Variants in GALNT13 observed in about 807,000 individuals in gnomAD.
The protein encoded by GALNT13 is polypeptide N-acetylgalactosaminyltransferase 13, also known as UDP-GalNAc:polypeptide N-acetylgalactosaminyltransferase 13.
In GALNT13, 28 loss-of-function variants were observed where a neutral mutation model predicts 64.2. The observed-to-expected ratio is 0.44, with a 90% CI of 0.32 to 0.60. The LOEUF (loss-of-function observed/expected upper bound fraction) is 0.60, where lower values mean the gene tolerates loss of function less well. Ranked by LOEUF, GALNT13 falls within the 20% of genes least tolerant of loss-of-function variation. The probability of loss-of-function intolerance (pLI) is 0.05; values close to 1 mark genes in which losing one functional copy is unlikely to be tolerated. For synonymous variants in GALNT13, 214 were observed against 224.6 expected, an observed-to-expected ratio of 0.95 and a Z score of 0.42; for missense variants, 577 against 669.8, an observed-to-expected ratio of 0.86 and a Z score of 1.53.
At chr2:153,438,491 A>G in the GALNT13 span, among the ~76,000 whole-genome samples, 3 of 152,142 alleles carry the variant, frequency 2.0e-5, no homozygotes, top group African/African-American at 7.2e-5. Context: ...GTCTTTTCAC[A>G]TAGTCCCATA....
At chr2:153,995,290 T>C (rs1574289199) in intron 3 of GALNT13, among the ~76,000 whole-genome samples, 2 of 152,164 alleles carry the variant, frequency 1.3e-5, no homozygotes, top group South Asian at 4.1e-4. Context: ...ATAAATAAAA[T>C]TGAACTCTCA....
chr2:154,118,055 C>A (rs921167097), intron 3 of GALNT13, among the ~76,000 whole-genome samples: 1 of 152,118 alleles, frequency 6.6e-6, no homozygotes, highest in Non-Finnish European at 1.5e-5. Flanking sequence ...GTTTTTTGAA[C>A]CAATTACTCC....
the GALNT13 span, among the ~76,000 whole-genome samples, chr2:153,798,488 C>T: frequency 1.3e-5 from 2 of 152,124 alleles, no homozygotes; most frequent in East Asian, 1.9e-4. Flanking sequence ...AAGATAAATG[C>T]AGTGTTTACT....
the GALNT13 span, among the ~76,000 whole-genome samples, chr2:153,817,519 C>T: frequency 6.6e-6 from 1 of 152,110 alleles, no homozygotes; most frequent in Non-Finnish European, 1.5e-5. Context: ...CCAGAATCTC[C>T]CTTATCCCTG....
chr2:154,233,645 T>C (rs905043885), intron 4 of GALNT13, among the ~76,000 whole-genome samples: 34 of 152,138 alleles, frequency 2.2e-4, no homozygotes, highest in Admixed American at 1.8e-3. Context: ...GCTATATAAT[T>C]AGTATATCCA....
the GALNT13 span, among the ~76,000 whole-genome samples, chr2:153,802,560 T>C: frequency 1.3e-5 from 2 of 152,196 alleles, no homozygotes; most frequent in African/African-American, 2.4e-5. Flanking sequence ...TGAGTCCATC[T>C]AATCCTTACA....
At chr2:153,985,703 A>G (rs1205526497) in intron 3 of GALNT13, among the ~76,000 whole-genome samples, 1 of 152,046 alleles carries the variant, frequency 6.6e-6, no homozygotes, top group Non-Finnish European at 1.5e-5. Flanking sequence ...CCAGCTGTGA[A>G]AATGAAGAGC....
the GALNT13 span, among the ~76,000 whole-genome samples, chr2:153,713,198 C>A: frequency 1.3e-5 from 2 of 152,118 alleles, no homozygotes; most frequent in Non-Finnish European, 2.9e-5. Flanking sequence ...CAGGTACCTC[C>A]AAAAATACTT....
chr2:154,301,603 A>T lies in GALNT13; in HGVS notation c.1156+14A>T. On this transcript the variant is annotated intron_variant, in intron 9 of 12. Coordinates refer to ENST00000392825, the MANE Select transcript of GALNT13 (RefSeq NM_052917.4). ...TCATATCCCCAGGTACACAATTCTG[A>T]CATTTTTCTTTCTCTACAGGAGAAA... 1 of 1,571,476 alleles carries T rather than the reference A, an allele frequency of 6.4e-7. No individual in the cohort carries two copies. Among genetic ancestry groups the T allele is most frequent in the South Asian group, 1.1e-5 (1 of 88,582 alleles).
chr2:153,273,349 C>T, the GALNT13 span, among the ~76,000 whole-genome samples: 7 of 152,114 alleles, frequency 4.6e-5, no homozygotes, highest in African/African-American at 7.2e-5. Context: ...TGAAAGTAAC[C>T]TATCTGCAGG....
chr2:154,361,077 A>G (rs1034775350), intron 9 of GALNT13, among the ~76,000 whole-genome samples: 1 of 152,124 alleles, frequency 6.6e-6, no homozygotes, highest in African/African-American at 2.4e-5. Context: ...GTGATCTTGC[A>G]TAAATAGCCT....
At position 154,289,394 on chromosome 2, in the gene GALNT13, C is replaced by T. The variant is rs139828340; in HGVS notation, c.976-12015C>T. Reference sequence around the variant, plus strand: ...GAGACTAGGTGATTTATAAAGGAAACGGGTTTAATTGACTTACAGTTCCAC... The same window carrying T: ...GAGACTAGGTGATTTATAAAGGAAATGGGTTTAATTGACTTACAGTTCCAC... On this transcript the variant is annotated intron_variant, in intron 8 of 12. Transcript: ENST00000392825. Among the ~76,000 whole-genome samples the T allele has an allele frequency of 2.0e-4, 31 of 152,252 alleles. No individual in the cohort carries two copies. In the East Asian group the frequency reaches 5.2e-3, roughly 26 times the overall value.
chr2:153,975,609 C>T (rs546811427), intron 3 of GALNT13, among the ~76,000 whole-genome samples: 14 of 152,132 alleles, frequency 9.2e-5, no homozygotes, highest in East Asian at 7.7e-4. Flanking sequence ...TTCACTCTAC[C>T]GTGGATGAAA....
chr2:153,313,367 A>G, the GALNT13 span, among the ~76,000 whole-genome samples: 1 of 152,228 alleles, frequency 6.6e-6, no homozygotes, highest in Admixed American at 6.5e-5. Context: ...CTATGTAGCC[A>G]TAAAAAAGAA....
intron 9 of GALNT13, among the ~76,000 whole-genome samples, chr2:154,393,399 A>G (rs1217084300): frequency 1.3e-5 from 2 of 152,164 alleles, no homozygotes; most frequent in Admixed American, 1.3e-4. Flanking sequence ...TTTCTCTCAC[A>G]GTTTGTTGGC....
intron 9 of GALNT13, among the ~76,000 whole-genome samples, chr2:154,343,862 T>C (rs1482537739): frequency 6.6e-6 from 1 of 152,098 alleles, no homozygotes; most frequent in East Asian, 1.9e-4. Context: ...GGAAGATAGC[T>C]GCTCTGACTG....
chr2:153,585,821 G>A, the GALNT13 span, among the ~76,000 whole-genome samples: 8 of 151,800 alleles, frequency 5.3e-5, no homozygotes, highest in Admixed American at 2.0e-4. Flanking sequence ...TTCTGGTTTC[G>A]GCAAGATTAA....
At chr2:153,694,219 C>T in the GALNT13 span, among the ~76,000 whole-genome samples, 1 of 152,130 alleles carries the variant, frequency 6.6e-6, no homozygotes, top group African/African-American at 2.4e-5. Flanking sequence ...TCCCTTCGGC[C>T]TAGCGAGTTT....
chr2:153,485,267 T>C, the GALNT13 span, among the ~76,000 whole-genome samples: 8 of 152,224 alleles, frequency 5.3e-5, no homozygotes, highest in Admixed American at 4.6e-4. Context: ...TCCAGCTCAT[T>C]TGCCTTTTAA....
Sources: gnomAD v4.1 joint callset for allele counts (sites outside exome capture counted in the v4.1 genomes callset) on GRCh38, gnomAD v4.1.1 for gene constraint, MANE v1.5 for transcripts, NCBI Gene and HGNC (gene_info 2026-07-23, HGNC 2026-07-21) for gene names.